The following CTNNA1 variants were observed in gnomAD, a reference collection of about 807,000 sequenced individuals.
CTNNA1 encodes catenin alpha-1.
A neutral mutation model predicts 98.4 loss-of-function variants in CTNNA1; 37 were observed. The ratio of observed to expected loss-of-function variants is 0.38; its 90% CI spans 0.29 to 0.49. The LOEUF (loss-of-function observed/expected upper bound fraction) is 0.49. Ranked by LOEUF, CTNNA1 falls within the 20% of genes least tolerant of loss-of-function variation. The probability of loss-of-function intolerance (pLI) is 0.95; values close to 1 mark genes in which losing one functional copy is unlikely to be tolerated. For missense variants in CTNNA1, 761 were observed against 1,147.2 expected, an observed-to-expected ratio of 0.66 and a Z score of 4.86; for synonymous variants, 404 against 413.2, an observed-to-expected ratio of 0.98 and a Z score of 0.27.
intron 6 of CTNNA1, among the ~76,000 whole-genome samples, chr5:138,825,482 G>GTTTTGTTTTTTTTTTTTT (rs1760581190): frequency 2.7e-5 from 2 of 74,114 alleles, no homozygotes; most frequent in Admixed American, 1.9e-4. Flanking sequence ...AGCAGTATAA[G>GTTTTGTTTTTTTTTTTTT]TTTTTTTTTT....
intron 11 of CTNNA1, among the ~76,000 whole-genome samples, chr5:138,918,192 T>C (rs1762202552): frequency 6.6e-6 from 1 of 151,822 alleles, no homozygotes; most frequent in South Asian, 2.1e-4. Context: ...CCTGCTTGTA[T>C]AGAGTGAGGT....
chr5:138,839,997 A>G (rs1340301537), intron 7 of CTNNA1, among the ~76,000 whole-genome samples: 2 of 152,174 alleles, frequency 1.3e-5, no homozygotes, highest in Non-Finnish European at 2.9e-5. Flanking sequence ...AAGTAATGTA[A>G]TCTCCCCAGG....
At chr5:138,912,035 A>G (rs544482546) in intron 10 of CTNNA1, among the ~76,000 whole-genome samples, 1 of 152,330 alleles carries the variant, frequency 6.6e-6, no homozygotes, top group East Asian at 1.9e-4. Flanking sequence ...CCTATTAGAC[A>G]TGCAAGATGC....
chr5:138,758,796 TTC>T (rs1324905754), intron 1 of CTNNA1, among the ~76,000 whole-genome samples: 4 of 152,170 alleles, frequency 2.6e-5, no homozygotes, highest in African/African-American at 9.7e-5. Flanking sequence ...CATCTGGTCT[TTC>T]TCTGGGACAG....
rs2150032263 is a variant in CTNNA1, at chr5:138,887,529, C to T, written c.1183C>T (p.Leu395=). 6.2e-7 allele frequency: 1 copy of T among 1,610,106 alleles called. No homozygotes were observed. Among genetic ancestry groups the T allele is most frequent in the South Asian group, 1.1e-5 (1 of 90,216 alleles). ...CATGGACCACGTTTCAGATTCTTTC[C>T]TGGAAACCAATGTTCCACTTTTGGT... ...AVMDHVSDSF[L]ETNVPLLVLI... The change falls in exon 9 of 18, where the codon CTG becomes TTG. Residue 395 remains leucine (L), a synonymous_variant. Transcript: ENST00000302763.
chr5:138,774,402 T>G (rs191933197), intron 1 of CTNNA1, among the ~76,000 whole-genome samples: 170 of 152,238 alleles, frequency 1.1e-3, no homozygotes, highest in Non-Finnish European at 1.8e-3. Context: ...AGTTGGGAGA[T>G]TCCATGTAAA....
At chr5:138,851,285 TGC>T (rs1763160028) in intron 7 of CTNNA1, among the ~76,000 whole-genome samples, 3 of 152,180 alleles carry the variant, frequency 2.0e-5, no homozygotes, top group Non-Finnish European at 4.4e-5. Flanking sequence ...GATCTCTGTC[TGC>T]AGGGCTTCTG....
chr5:138,826,604 A>G (rs943603079), intron 6 of CTNNA1, among the ~76,000 whole-genome samples: 2 of 152,192 alleles, frequency 1.3e-5, no homozygotes, highest in Non-Finnish European at 1.5e-5. Context: ...GAGGATTGCT[A>G]TCATCTCTTA....
intron 7 of CTNNA1, among the ~76,000 whole-genome samples, chr5:138,857,912 C>T (rs999500361): frequency 4.6e-5 from 7 of 152,088 alleles, no homozygotes; most frequent in South Asian, 4.1e-4. Context: ...TTGAAAATTA[C>T]GCATGTAGGG....
intron 7 of CTNNA1, among the ~76,000 whole-genome samples, chr5:138,828,823 T>A (rs1403574320): frequency 6.6e-6 from 1 of 152,204 alleles, no homozygotes; most frequent in Non-Finnish European, 1.5e-5. Context: ...GCATATTGAA[T>A]TTTTTTAAAG....
rs146103244 is a variant in CTNNA1 at position 138,782,842 on chromosome 5, C to G, written c.106-335C>G. ...AGATAAAGCTAAGTTCATTGTTAAC[C>G]TCTTTCTGGAACATCTTGGTGACAT... On this transcript the variant is annotated intron_variant, in intron 2 of 17. Transcript: ENST00000302763. 8.2e-4 allele frequency among the ~76,000 whole-genome samples: 125 copies of G among 152,262 alleles called. 1 individual carries two copies. The highest frequency in any genetic ancestry group is 1.3e-3 in the Non-Finnish European group (86 of 68,014).
intron 10 of CTNNA1, among the ~76,000 whole-genome samples, chr5:138,905,761 ACT>A (rs947155617): frequency 6.6e-6 from 1 of 152,088 alleles, no homozygotes; most frequent in African/African-American, 2.4e-5. Flanking sequence ...CTGGCTTGAC[ACT>A]CCTTGTCATT....
At chr5:138,906,580 A>G (rs899094933) in intron 10 of CTNNA1, among the ~76,000 whole-genome samples, 1 of 152,216 alleles carries the variant, frequency 6.6e-6, no homozygotes, top group Non-Finnish European at 1.5e-5. Context: ...AGTCTAGTAG[A>G]TCCTAATGAA....
chr5:138,842,195 G>T (rs1211642346), intron 7 of CTNNA1, among the ~76,000 whole-genome samples: 1 of 152,142 alleles, frequency 6.6e-6, no homozygotes, highest in African/African-American at 2.4e-5. Context: ...AGCTACTCGG[G>T]AGGCTGAGGT....
chr5:138,917,552 C>T (rs968644541), intron 10 of CTNNA1, among the ~76,000 whole-genome samples, 190 bp from the exon 11 acceptor site: 1 of 152,106 alleles, frequency 6.6e-6, no homozygotes, highest in African/African-American at 2.4e-5. Context: ...TTATCATTGT[C>T]TATAGTTTGC....
chr5:138,772,841 AGC>A (rs1753695863), intron 1 of CTNNA1, among the ~76,000 whole-genome samples: 1 of 140,728 alleles, frequency 7.1e-6, no homozygotes, highest in East Asian at 2.1e-4. Flanking sequence ...AGATGAAAAG[AGC>A]ACCAGAATTT....
intron 16 of CTNNA1, chr5:138,931,687 TG>T (rs1765378657): frequency 2.0e-6 from 2 of 985,378 alleles, no homozygotes; most frequent in African/African-American, 3.5e-5. Context: ...CCCGATTTCC[TG>T]TTCTTTCCTC....
intron 1 of CTNNA1, among the ~76,000 whole-genome samples, chr5:138,765,699 C>G (rs1223725208): frequency 1.3e-5 from 2 of 151,786 alleles, no homozygotes; most frequent in Non-Finnish European, 2.9e-5. Context: ...GCCTGTAATC[C>G]CAGCACTTTG....
intron 10 of CTNNA1, among the ~76,000 whole-genome samples, chr5:138,905,801 TGATTCAGTAGAAGA>T (rs1431674756): frequency 6.6e-6 from 1 of 152,220 alleles, no homozygotes; most frequent in Non-Finnish European, 1.5e-5. Flanking sequence ...GTATAAGTGA[TGATTCAGTAGAAGA>T]GGTTTCCTCT....
Sources: allele counts gnomAD v4.1 joint callset (sites outside exome capture counted in the v4.1 genomes callset), GRCh38; gene constraint gnomAD v4.1.1; transcripts MANE v1.5; gene names NCBI Gene and HGNC (gene_info 2026-07-23, HGNC 2026-07-21).